XPO1: variants seen among roughly 807,000 people sequenced by gnomAD.
The protein encoded by XPO1 is exportin 1, also known as exportin-1.
In XPO1, 5 loss-of-function variants were observed where a neutral mutation model predicts 133.3. The ratio of observed to expected loss-of-function variants is 0.04; its 90% CI spans 0.02 to 0.08. The LOEUF (loss-of-function observed/expected upper bound fraction) is 0.08, where lower values mean the gene tolerates loss of function less well. Among genes scored for constraint, XPO1 ranks in the 10% least tolerant of loss-of-function variants. The pLI, the probability that XPO1 is intolerant of heterozygous loss-of-function variation, is 1.00. For missense variants in XPO1, 506 were observed against 1,267.5 expected, an observed-to-expected ratio of 0.40 and a Z score of 9.12; for synonymous variants, 419 against 408.2, an observed-to-expected ratio of 1.03 and a Z score of -0.32.
chr2:61,483,725 G>A (rs563722617), intron 21 of XPO1: 4 of 509,476 alleles, frequency 7.9e-6, no homozygotes, highest in East Asian at 3.6e-5. Context: ...ATTATTACTA[G>A]GCCGCTCTCC....
chr2:61,486,035 CCTGT>C, intron 19 of XPO1, 73 bp from the exon 20 acceptor site: 1 of 1,355,468 alleles, frequency 7.4e-7, no homozygotes, highest in South Asian at 1.4e-5. Flanking sequence ...CAAGGTTATT[CCTGT>C]CTATGAGATG....
intron 24 of XPO1, 149 bp from the exon 25 acceptor site, chr2:61,479,115 G>A: frequency 2.3e-6 from 2 of 859,260 alleles, no homozygotes; most frequent in South Asian, 1.8e-5. Context: ...TAGTGACACA[G>A]TATACTACAT....
intron 4 of XPO1, among the ~76,000 whole-genome samples, chr2:61,521,392 A>G (rs1159524939): frequency 5.3e-5 from 8 of 152,244 alleles, no homozygotes; most frequent in Non-Finnish European, 1.0e-4. Flanking sequence ...AAATACTACT[A>G]GAAGTATCAT....
chr2:61,499,217 T>C (rs1231044201), intron 7 of XPO1, among the ~76,000 whole-genome samples: 1 of 152,208 alleles, frequency 6.6e-6, no homozygotes, highest in Non-Finnish European at 1.5e-5. Flanking sequence ...AGAACACTAT[T>C]GTTAACAATT....
chr2:61,515,940 CACACA>C (rs1249458247), intron 4 of XPO1, among the ~76,000 whole-genome samples: 13 of 49,510 alleles, frequency 2.6e-4, no homozygotes, highest in African/African-American at 6.2e-4. Flanking sequence ...AAAAAAACCA[CACACA>C]CACACACACA....
rs587778011 is a variant in XPO1, at chr2:61,492,797, T to C, written c.1385-49A>G. 6.7e-5 allele frequency: 106 copies of C among 1,589,078 alleles called. No individual in the cohort carries two copies. The highest frequency in any genetic ancestry group is 3.4e-4 in the Middle Eastern group (2 of 5,942). On this transcript the variant is annotated intron_variant, in intron 13 of 24. Coordinates refer to ENST00000401558, the MANE Select transcript of XPO1 (RefSeq NM_003400.4). The surrounding 1 kb of genome is among the most constrained non-coding windows in gnomAD (Gnocchi z 5.6). ...AATGCAAATAATGAGCAGAATTTTATTGATGAGTAACAATACATTTAGAAA... is the reference window on the plus strand; with the variant it reads ...AATGCAAATAATGAGCAGAATTTTACTGATGAGTAACAATACATTTAGAAA...
intron 16 of XPO1, among the ~76,000 whole-genome samples, chr2:61,491,459 A>ACACACACACAC (rs1696983059): frequency 6.3e-5 from 9 of 142,908 alleles, no homozygotes; most frequent in Admixed American, 3.5e-4. Flanking sequence ...TCAAAAAACA[A>ACACACACACAC]ACACACACAC....
chr2:61,502,447 T>C lies in XPO1; in HGVS notation c.302-137A>G, dbSNP rs1697574246. 3 of 856,856 alleles carry C rather than the reference T, an allele frequency of 3.5e-6. No homozygotes were observed. In the South Asian group the frequency reaches 5.7e-5, roughly 16 times the overall value. The allele number at this position is 856,856 out of a possible 1,614,324, so 53.1% of individuals were successfully genotyped here. A position where few individuals can be genotyped will look rare whatever the true frequency, so the allele number is the denominator to read the frequency against. ...ATATACTCTAATCCTGTCACCAGTATTGGCATTTTAAAAAAATTCCGGCCC... is the reference window on the plus strand; with the variant it reads ...ATATACTCTAATCCTGTCACCAGTACTGGCATTTTAAAAAAATTCCGGCCC... On this transcript the variant is annotated intron_variant, in intron 4 of 24. Transcript: ENST00000401558.
chr2:61,536,944 C>CACATTCAA (rs1250450564), intron 1 of XPO1: 1 of 152,276 alleles, frequency 6.6e-6, no homozygotes, highest in Non-Finnish European at 1.5e-5. Flanking sequence ...ACCAACTTAT[C>CACATTCAA]ACATTCAAAC....
At chr2:61,503,625 C>T (rs1371359536) in intron 4 of XPO1, among the ~76,000 whole-genome samples, 1 of 152,018 alleles carries the variant, frequency 6.6e-6, no homozygotes, top group East Asian at 1.9e-4. Context: ...GGGGTTTCAC[C>T]GTGTTAGCCA....
At chr2:61,516,187 C>A (rs948198341) in intron 4 of XPO1, among the ~76,000 whole-genome samples, 1 of 150,436 alleles carries the variant, frequency 6.6e-6, no homozygotes, top group African/African-American at 2.4e-5. Context: ...TGCCTGTAAT[C>A]CCAGCTACTC....
At chr2:61,517,088 G>C (rs969929626) in intron 4 of XPO1, among the ~76,000 whole-genome samples, 1 of 151,852 alleles carries the variant, frequency 6.6e-6, no homozygotes, top group Non-Finnish European at 1.5e-5. Flanking sequence ...ATTTTTAGTA[G>C]AGACCGGGTT....
intron 22 of XPO1, 68 bp from the exon 23 acceptor site, chr2:61,482,607 GTTTT>G: frequency 2.3e-6 from 3 of 1,277,380 alleles, no homozygotes; most frequent in East Asian, 2.8e-5. Flanking sequence ...GTTTTTTTTT[GTTTT>G]GTTTTTTTTT....
rs952337652 is a variant in XPO1 at position 61,490,535 on chromosome 2, C to T, written c.2022+107G>A. 7 of 1,477,656 alleles carry T rather than the reference C, an allele frequency of 4.7e-6. No homozygotes were observed. The African/African-American group carries it at 8.5e-5, about 18-fold the overall frequency. The allele number at this position is 1,477,656 out of a possible 1,614,324, so 91.5% of individuals were successfully genotyped here. On this transcript the variant is annotated intron_variant, in intron 17 of 24. Coordinates refer to ENST00000401558, the MANE Select transcript of XPO1 (RefSeq NM_003400.4). ...TTATAGAAAGACACACATAAAAGCA[C>T]TTATGGATCACACATACATGTTAAA...
chr2:61,498,127 C>T (rs181231581), intron 9 of XPO1, among the ~76,000 whole-genome samples: 353 of 152,290 alleles, frequency 2.3e-3, no homozygotes, highest in Non-Finnish European at 3.9e-3. Context: ...GACAGGGTCT[C>T]GCTCTGTTGC....
intron 24 of XPO1, among the ~76,000 whole-genome samples, chr2:61,480,951 AC>A (rs1283013803): frequency 2.6e-5 from 4 of 152,232 alleles, no homozygotes; most frequent in Non-Finnish European, 5.9e-5. Flanking sequence ...AAAATGAATT[AC>A]ATTAGTAATA....
In XPO1 at chr2:61,478,040, T is replaced by C. The variant is rs1284000974; in HGVS notation, c.*780A>G. The C allele has an allele frequency of 4.3e-6, 1 of 232,502 alleles. No homozygotes were observed. Among genetic ancestry groups the C allele is most frequent in the Non-Finnish European group, 8.5e-6 (1 of 117,348 alleles). 14.4% of individuals were successfully genotyped at this position (232,502 alleles called of 1,614,324 possible). On this transcript the variant is annotated 3_prime_UTR_variant, in exon 25 of 25. Transcript: ENST00000401558. Reference sequence around the variant, plus strand: ...AGTCATCTCAAAAGCCAGAGTTGTTTTGTTTTTTAATGAGTTGTTAAAAAG... The same window carrying C: ...AGTCATCTCAAAAGCCAGAGTTGTTCTGTTTTTTAATGAGTTGTTAAAAAG...
At chr2:61,479,300 A>C (rs1402057413) in intron 24 of XPO1, among the ~76,000 whole-genome samples, 1 of 152,078 alleles carries the variant, frequency 6.6e-6, no homozygotes, top group Non-Finnish European at 1.5e-5. Context: ...CATTACTAAA[A>C]TTAGCCATGC....
intron 4 of XPO1, among the ~76,000 whole-genome samples, chr2:61,521,446 G>A (rs1698685513): frequency 6.6e-6 from 1 of 152,098 alleles, no homozygotes; most frequent in Admixed American, 6.5e-5. Context: ...ATTTTTCAGA[G>A]ATAAATGAAA....
Sources: allele counts gnomAD v4.1 joint callset (sites outside exome capture counted in the v4.1 genomes callset), GRCh38; gene constraint gnomAD v4.1.1; non-coding constraint Gnocchi (gnomAD v3.1); transcripts MANE v1.5; gene names NCBI Gene and HGNC (gene_info 2026-07-23, HGNC 2026-07-21).